ZBTB20: variants seen among roughly 807,000 people sequenced by gnomAD.
ZBTB20 encodes the protein zinc finger and BTB domain-containing protein 20.
Under a neutral mutation model 56.9 loss-of-function variants are expected in ZBTB20, and 9 were observed. The ratio of observed to expected loss-of-function variants is 0.16; its 90% confidence interval spans 0.10 to 0.28. ZBTB20 has a LOEUF of 0.28. Among genes scored for constraint, ZBTB20 ranks in the 10% least tolerant of loss-of-function variants. ZBTB20 has a pLI of 1.00. For missense variants in ZBTB20, 655 were observed against 1,003.0 expected, an observed-to-expected ratio of 0.65 and a Z score of 4.69; for synonymous variants, 417 against 420.7, an observed-to-expected ratio of 0.99 and a Z score of 0.11.
chr3:115,076,843 C>A (rs1290488192), intron 1 of ZBTB20, among the ~76,000 whole-genome samples: 3 of 152,190 alleles, frequency 2.0e-5, no homozygotes, highest in African/African-American at 7.2e-5. Flanking sequence ...TATCCAAGGA[C>A]AGGAGGATGG....
At chr3:114,997,543 A>G (rs1438087379) in intron 2 of ZBTB20, among the ~76,000 whole-genome samples, 1 of 151,772 alleles carries the variant, frequency 6.6e-6, no homozygotes, top group Admixed American at 6.6e-5. Context: ...ATGTTAGGAA[A>G]GAGTTTTCTT....
At chr3:114,437,308 G>T (rs2090582751) in intron 7 of ZBTB20, among the ~76,000 whole-genome samples, 1 of 152,156 alleles carries the variant, frequency 6.6e-6, no homozygotes, top group Non-Finnish European at 1.5e-5. Flanking sequence ...CTCTTCTGTT[G>T]CTCCATGGTT....
chr3:115,022,757 TATC>T (rs2080258071), intron 2 of ZBTB20, among the ~76,000 whole-genome samples: 1 of 151,046 alleles, frequency 6.6e-6, no homozygotes, highest in South Asian at 2.1e-4. Flanking sequence ...AAAAGCCATT[TATC>T]TTGGGTGGTT....
At chr3:115,055,074 G>A (rs752326883) in intron 2 of ZBTB20, among the ~76,000 whole-genome samples, 3 of 151,948 alleles carry the variant, frequency 2.0e-5, no homozygotes, top group Non-Finnish European at 4.4e-5. Context: ...CACAATGCAG[G>A]TCCCAGTTTC....
intron 4 of ZBTB20, among the ~76,000 whole-genome samples, chr3:114,874,301 AAAC>A (rs1405976805): frequency 6.6e-6 from 1 of 152,228 alleles, no homozygotes; most frequent in Non-Finnish European, 1.5e-5. Flanking sequence ...GAATACATTC[AAAC>A]AAGTAGATAT....
chr3:114,810,020 G>C (rs547511938), intron 4 of ZBTB20, among the ~76,000 whole-genome samples: 1 of 152,186 alleles, frequency 6.6e-6, no homozygotes, highest in Non-Finnish European at 1.5e-5. Context: ...GTCAGCCAAC[G>C]ATCAGTCACA....
At chr3:114,933,560 G>A (rs2076429975) in intron 3 of ZBTB20, among the ~76,000 whole-genome samples, 1 of 152,200 alleles carries the variant, frequency 6.6e-6, no homozygotes, top group Non-Finnish European at 1.5e-5. Context: ...CACAGTATCA[G>A]GAATAAGCAG....
chr3:115,051,053 A>C (rs1227199747), intron 2 of ZBTB20, among the ~76,000 whole-genome samples: 1 of 152,094 alleles, frequency 6.6e-6, no homozygotes, highest in East Asian at 1.9e-4. Flanking sequence ...ATTATTAATG[A>C]TTTAACGGAA....
intron 1 of ZBTB20, among the ~76,000 whole-genome samples, chr3:115,114,153 G>A (rs2083957368): frequency 6.6e-6 from 1 of 152,140 alleles, no homozygotes; most frequent in Admixed American, 6.5e-5. Context: ...AGAGCAAACT[G>A]CTCTTGATGC....
At chr3:114,475,660 C>T (rs2040663554) in intron 7 of ZBTB20, among the ~76,000 whole-genome samples, 1 of 152,082 alleles carries the variant, frequency 6.6e-6, no homozygotes, top group African/African-American at 2.4e-5. Flanking sequence ...GAAAAGAAGG[C>T]ATGAGAACTA....
At chr3:114,689,704 A>T (rs983346789) in intron 6 of ZBTB20, among the ~76,000 whole-genome samples, 1 of 152,168 alleles carries the variant, frequency 6.6e-6, no homozygotes, top group Non-Finnish European at 1.5e-5. Flanking sequence ...GAAATATATA[A>T]TACATAAGCT....
chr3:114,586,135 G>A (rs976609285), intron 6 of ZBTB20, among the ~76,000 whole-genome samples: 2 of 152,194 alleles, frequency 1.3e-5, no homozygotes, highest in Non-Finnish European at 2.9e-5. Flanking sequence ...CCATTAAGGG[G>A]AAATGGTTCC....
chr3:114,376,769 T>G (rs1360162861), intron 10 of ZBTB20, among the ~76,000 whole-genome samples: 2 of 152,206 alleles, frequency 1.3e-5, no homozygotes, highest in African/African-American at 4.8e-5. Flanking sequence ...TGAGACAGTC[T>G]GATGAGGCCG....
chr3:115,128,561 G>T (rs774182501), intron 1 of ZBTB20, among the ~76,000 whole-genome samples: 1 of 151,876 alleles, frequency 6.6e-6, no homozygotes, highest in Non-Finnish European at 1.5e-5. Flanking sequence ...CTACTCGGGA[G>T]GCTGAAGCAT....
At chr3:115,088,401 A>C (rs2083067244) in intron 1 of ZBTB20, among the ~76,000 whole-genome samples, 1 of 151,810 alleles carries the variant, frequency 6.6e-6, no homozygotes, top group African/African-American at 2.4e-5. Context: ...AACCCTGGTT[A>C]GAGATTTTGT....
At chr3:114,927,223 A>G (rs2076191359) in intron 3 of ZBTB20, among the ~76,000 whole-genome samples, 1 of 152,198 alleles carries the variant, frequency 6.6e-6, no homozygotes, top group Non-Finnish European at 1.5e-5. Flanking sequence ...TAATCTACCA[A>G]TGGCCTGGAA....
At chr3:114,378,298 C>G (rs2108509956) in intron 10 of ZBTB20, among the ~76,000 whole-genome samples, 1 of 152,298 alleles carries the variant, frequency 6.6e-6, no homozygotes, top group Middle Eastern at 3.4e-3. Flanking sequence ...AAAGTATAAT[C>G]AATTTAAACA....
At chr3:114,424,793 G>A (rs1010878429) in intron 7 of ZBTB20, among the ~76,000 whole-genome samples, 1 of 152,076 alleles carries the variant, frequency 6.6e-6, no homozygotes, top group African/African-American at 2.4e-5. Context: ...AGTAAGCAAG[G>A]CATGGCACAT....
intron 1 of ZBTB20, among the ~76,000 whole-genome samples, chr3:115,115,867 T>C (rs991073098): frequency 3.3e-5 from 5 of 152,040 alleles, no homozygotes; most frequent in African/African-American, 1.2e-4. Flanking sequence ...TCGCACACCA[T>C]ACACTGAGGG....
Sources: gnomAD v4.1 joint callset for allele counts (sites outside exome capture counted in the v4.1 genomes callset) on GRCh38, gnomAD v4.1.1 for gene constraint, MANE v1.5 for transcripts, NCBI Gene and HGNC (gene_info 2026-07-23, HGNC 2026-07-21) for gene names.